Variants in GRIK4 observed in about 807,000 individuals in gnomAD.
GRIK4 encodes glutamate ionotropic receptor kainate type subunit 4, also known as glutamate receptor ionotropic, kainate 4.
Under a neutral mutation model 104.9 loss-of-function variants are expected in GRIK4, and 40 were observed. That is an observed-to-expected ratio of 0.38 (90% CI 0.30 to 0.50). The LOEUF is 0.50. Ranked by LOEUF, GRIK4 falls within the 20% of genes least tolerant of loss-of-function variation. GRIK4 has a pLI of 0.93. For missense variants in GRIK4, 1,047 were observed against 1,308.1 expected (o/e 0.80, Z 3.08); for synonymous variants, 485 against 524.9 (o/e 0.92, Z 1.04).
chr11:120,732,467 T>C (rs1951152158), intron 3 of GRIK4, among the ~76,000 whole-genome samples: 1 of 152,180 alleles, frequency 6.6e-6, no homozygotes, highest in African/African-American at 2.4e-5. Context: ...CATTAGGTTA[T>C]TTATTTGAAA....
At chr11:120,563,848 C>T (rs1004601589) in intron 1 of GRIK4, among the ~76,000 whole-genome samples, 13 of 152,202 alleles carry the variant, frequency 8.5e-5, no homozygotes, top group Non-Finnish European at 1.5e-4. Context: ...AGTTCTGGCG[C>T]CTCCCACACC....
intron 4 of GRIK4, among the ~76,000 whole-genome samples, chr11:120,806,101 C>T (rs1464295850): frequency 5.3e-5 from 8 of 152,142 alleles, no homozygotes; most frequent in African/African-American, 1.7e-4. Context: ...GTGAAACGCT[C>T]GGCACTGCAC....
intron 3 of GRIK4, among the ~76,000 whole-genome samples, chr11:120,686,105 G>A (rs1241910613): frequency 1.3e-5 from 2 of 152,090 alleles, no homozygotes; most frequent in East Asian, 3.9e-4. Flanking sequence ...GACACCAAAT[G>A]GGATAATGTA....
At chr11:120,537,910 T>C (rs1045848407) in intron 1 of GRIK4, among the ~76,000 whole-genome samples, 1 of 150,810 alleles carries the variant, frequency 6.6e-6, no homozygotes, top group Non-Finnish European at 1.5e-5. Flanking sequence ...GTGGAGAGGA[T>C]AGACCTAGAG....
chr11:120,519,434 G>A (rs896887767), intron 1 of GRIK4, among the ~76,000 whole-genome samples: 8 of 152,148 alleles, frequency 5.3e-5, no homozygotes, highest in African/African-American at 1.4e-4. Context: ...CGCTCCCACC[G>A]TGTGAGCACA....
intron 3 of GRIK4, among the ~76,000 whole-genome samples, chr11:120,796,249 A>G (rs1395378740): frequency 6.6e-6 from 1 of 151,822 alleles, no homozygotes; most frequent in African/African-American, 2.4e-5. Flanking sequence ...GTTAGCCAAG[A>G]TGGTCTCGCT....
rs1014005623 is a variant in GRIK4, at chr11:120,953,014, C to T, written c.1700+50C>T. The T allele has an allele frequency of 1.7e-6, 2 of 1,178,188 alleles. No homozygotes were observed. Among genetic ancestry groups the T allele is most frequent in the Non-Finnish European group, 2.5e-6 (2 of 787,366 alleles). The allele number at this position is 1,178,188 out of a possible 1,614,324, so 73.0% of individuals were successfully genotyped here. A position where few individuals can be genotyped will look rare whatever the true frequency, so the allele number is the denominator to read the frequency against. ...CCTTACACCGCCACCTCGTGTCCACCTCTGGGAACTGCATGGGGAGGGGGT... is the reference window on the plus strand; with the variant it reads ...CCTTACACCGCCACCTCGTGTCCACTTCTGGGAACTGCATGGGGAGGGGGT... On this transcript the variant is annotated intron_variant, in intron 15 of 20. Coordinates refer to ENST00000527524, the MANE Select transcript of GRIK4 (RefSeq NM_014619.5). This position sits in a 1 kb window ranked among gnomAD's most constrained non-coding sequence, Gnocchi z 4.9.
intron 8 of GRIK4, among the ~76,000 whole-genome samples, chr11:120,843,021 G>A (rs1478171256): frequency 6.6e-6 from 1 of 152,272 alleles, no homozygotes; most frequent in Non-Finnish European, 1.5e-5. Flanking sequence ...GAGAGCATAG[G>A]TGGGCCCTGT....
intron 1 of GRIK4, among the ~76,000 whole-genome samples, chr11:120,651,032 A>G (rs956160458): frequency 2.6e-5 from 4 of 152,168 alleles, no homozygotes; most frequent in African/African-American, 9.7e-5. Flanking sequence ...CTCTGCCAGA[A>G]GGACTGACTT....
chr11:120,826,294 A>G (rs1035929518), intron 6 of GRIK4, among the ~76,000 whole-genome samples: 2 of 152,092 alleles, frequency 1.3e-5, no homozygotes, highest in Admixed American at 6.5e-5. Flanking sequence ...TTCCTACAGT[A>G]TGGGACGACC....
chr11:120,663,280 G>A (rs1018247821), intron 3 of GRIK4, among the ~76,000 whole-genome samples: 2 of 152,250 alleles, frequency 1.3e-5, no homozygotes, highest in Admixed American at 6.5e-5. Context: ...GTAAGGATTC[G>A]TTATCTAACC....
At chr11:120,906,382 A>G (rs1391076864) in intron 13 of GRIK4, among the ~76,000 whole-genome samples, 2 of 152,236 alleles carry the variant, frequency 1.3e-5, no homozygotes, top group African/African-American at 2.4e-5. Flanking sequence ...GCAGCCTCCC[A>G]GCATGTGCTG....
intron 14 of GRIK4, among the ~76,000 whole-genome samples, chr11:120,947,650 G>A (rs1395973673): frequency 3.0e-4 from 45 of 152,152 alleles, no homozygotes; most frequent in Admixed American, 2.9e-3. Context: ...CCATATAATG[G>A]AAATATGGAT....
intron 3 of GRIK4, among the ~76,000 whole-genome samples, chr11:120,744,087 G>A (rs900329466): frequency 1.3e-5 from 2 of 152,118 alleles, no homozygotes; most frequent in African/African-American, 4.8e-5. Flanking sequence ...CCGGCACCCC[G>A]GTCTCTCTCA....
At chr11:120,833,772 A>G (rs1295402141) in intron 7 of GRIK4, among the ~76,000 whole-genome samples, 1 of 151,730 alleles carries the variant, frequency 6.6e-6, no homozygotes, top group African/African-American at 2.4e-5. Flanking sequence ...TTAAATTTTG[A>G]TGTCTGTTTT....
At chr11:120,544,297 A>G (rs1211300282) in intron 1 of GRIK4, among the ~76,000 whole-genome samples, 1 of 152,050 alleles carries the variant, frequency 6.6e-6, no homozygotes, top group African/African-American at 2.4e-5. Flanking sequence ...TTACATGTCA[A>G]TCATACCTTA....
At chr11:120,637,380 TC>T (rs1458115454) in intron 1 of GRIK4, among the ~76,000 whole-genome samples, 1 of 152,032 alleles carries the variant, frequency 6.6e-6, no homozygotes, top group Non-Finnish European at 1.5e-5. Context: ...ACTTGGCAAA[TC>T]CCCTTCACAG....
At chr11:120,556,665 G>A (rs1034884204) in intron 1 of GRIK4, among the ~76,000 whole-genome samples, 1 of 152,080 alleles carries the variant, frequency 6.6e-6, no homozygotes, top group Non-Finnish European at 1.5e-5. Flanking sequence ...TCTTGGGAAT[G>A]GGCTTAACCC....
chr11:120,652,069 G>A (rs746452483), intron 1 of GRIK4, among the ~76,000 whole-genome samples: 4 of 152,138 alleles, frequency 2.6e-5, no homozygotes, highest in Non-Finnish European at 5.9e-5. Context: ...CAACCTCTCC[G>A]CCTTTGAGTT....
Sources: allele counts gnomAD v4.1 joint callset (sites outside exome capture counted in the v4.1 genomes callset), GRCh38; gene constraint gnomAD v4.1.1; non-coding constraint Gnocchi (gnomAD v3.1); transcripts MANE v1.5; gene names NCBI Gene and HGNC (gene_info 2026-07-23, HGNC 2026-07-21).